PLCXD3: variants seen among roughly 807,000 people sequenced by gnomAD.
PLCXD3 encodes phosphatidylinositol specific phospholipase C X domain containing 3, also known as PI-PLC X domain-containing protein 3.
In PLCXD3, 19 loss-of-function variants were observed where a neutral mutation model predicts 25.5. The observed-to-expected ratio is 0.75, with a 90% CI of 0.52 to 1.09. The LOEUF (loss-of-function observed/expected upper bound fraction) is 1.09. Ranked by LOEUF, PLCXD3 falls within the 50% of genes least tolerant of loss-of-function variation. PLCXD3 has a pLI of 0.00. For missense variants in PLCXD3, 411 were observed against 388.1 expected (o/e 1.06, Z -0.50); for synonymous variants, 174 against 137.6 (o/e 1.26, Z -1.85).
intron 1 of PLCXD3, among the ~76,000 whole-genome samples, chr5:41,501,100 T>C (rs980013432): frequency 6.6e-6 from 1 of 152,018 alleles, no homozygotes; most frequent in Non-Finnish European, 1.5e-5. Flanking sequence ...TTGTACACTG[T>C]TGGTGGAAGT....
At chr5:41,336,408 G>T (rs1743981056) in intron 2 of PLCXD3, among the ~76,000 whole-genome samples, 1 of 152,116 alleles carries the variant, frequency 6.6e-6, no homozygotes, top group Admixed American at 6.6e-5. Flanking sequence ...CAGGTTAATT[G>T]TTACTCCATT....
rs71608608 is a variant in PLCXD3 at position 41,496,627 on chromosome 5, C to CAAAAAAAAA, written c.103+13788_103+13796dup. On this transcript the variant is annotated intron_variant, in intron 1 of 2. Transcript: ENST00000377801. ...AGGAAAGGTAAAGCTTTTCCCAGAC[C>CAAAAAAAAA]AAAAAAAAAAAAAAAAGCCTAGAAA... Among the ~76,000 whole-genome samples the CAAAAAAAAA allele has an allele frequency of 1.7e-5, 2 of 114,740 alleles. 1 individual carries two copies. Among genetic ancestry groups the CAAAAAAAAA allele is most frequent in the African/African-American group, 6.1e-5 (2 of 32,654 alleles). 75.3% of individuals were successfully genotyped at this position (114,740 alleles called of 152,430 possible).
intron 1 of PLCXD3, among the ~76,000 whole-genome samples, chr5:41,484,495 A>G (rs1440130101): frequency 6.6e-6 from 1 of 152,160 alleles, no homozygotes; most frequent in African/African-American, 2.4e-5. Context: ...ACTGTTGCCA[A>G]ATATTACTGT....
intron 2 of PLCXD3, among the ~76,000 whole-genome samples, chr5:41,352,013 T>C (rs947628991): frequency 2.6e-5 from 4 of 152,238 alleles, no homozygotes; most frequent in Non-Finnish European, 5.9e-5. Context: ...TTCAAAACTA[T>C]GTCATTTTTA....
intron 1 of PLCXD3, among the ~76,000 whole-genome samples, chr5:41,408,746 A>G (rs895265559): frequency 6.6e-6 from 1 of 152,160 alleles, no homozygotes; most frequent in East Asian, 1.9e-4. Context: ...GTGTCGCATA[A>G]GTAAGCCTAA....
In PLCXD3 at chr5:41,312,691, T is replaced by C. The variant is rs1743167677; in HGVS notation, c.*926A>G. 1 of 110,956 alleles carries C rather than the reference T, an allele frequency of 9.0e-6. No individual in the cohort carries two copies. Among genetic ancestry groups the C allele is most frequent in the African/African-American group, 3.8e-5 (1 of 26,180 alleles). 6.9% of individuals were successfully genotyped at this position (110,956 alleles called of 1,614,324 possible). A position where few individuals can be genotyped will look rare whatever the true frequency, so the allele number is the denominator to read the frequency against. ...CCCTCCCTTCCTTTCTTCCTTTCCT[T>C]CCTTCCTTCCTTCCTTCCTTCCTTC... On this transcript the variant is annotated 3_prime_UTR_variant, in exon 3 of 3. Coordinates refer to ENST00000377801, the MANE Select transcript of PLCXD3 (RefSeq NM_001005473.3).
At chr5:41,404,552 T>C (rs975702208) in intron 1 of PLCXD3, among the ~76,000 whole-genome samples, 1 of 152,198 alleles carries the variant, frequency 6.6e-6, no homozygotes, top group African/African-American at 2.4e-5. Context: ...ACCATCTGTC[T>C]AAGATTTTAT....
At chr5:41,387,000 T>C (rs760319606) in intron 1 of PLCXD3, among the ~76,000 whole-genome samples, 4 of 152,014 alleles carry the variant, frequency 2.6e-5, no homozygotes, top group Non-Finnish European at 5.9e-5. Context: ...TGAGCCTTTA[T>C]TTCTGGTTAT....
intron 1 of PLCXD3, among the ~76,000 whole-genome samples, chr5:41,412,790 A>G (rs1291519400): frequency 6.6e-6 from 1 of 152,164 alleles, no homozygotes; most frequent in African/African-American, 2.4e-5. Flanking sequence ...TATTGTCTGG[A>G]CTTGGTGACA....
chr5:41,431,384 G>T (rs557248950), intron 1 of PLCXD3, among the ~76,000 whole-genome samples: 1 of 152,270 alleles, frequency 6.6e-6, no homozygotes, highest in East Asian at 1.9e-4. Flanking sequence ...CAAAATTTTT[G>T]ATATTTTGAC....
At chr5:41,362,416 A>AAT (rs887602057) in intron 2 of PLCXD3, among the ~76,000 whole-genome samples, 3 of 152,184 alleles carry the variant, frequency 2.0e-5, no homozygotes, top group African/African-American at 7.2e-5. Context: ...TTATTTGGCT[A>AAT]AGGCTCATTT....
At chr5:41,370,146 A>C (rs1745050430) in intron 2 of PLCXD3, among the ~76,000 whole-genome samples, 2 of 152,216 alleles carry the variant, frequency 1.3e-5, no homozygotes, top group African/African-American at 2.4e-5. Flanking sequence ...AGTTCAAGAT[A>C]CAATTGTGAT....
At chr5:41,342,975 A>AGCAG (rs1744194161) in intron 2 of PLCXD3, among the ~76,000 whole-genome samples, 1 of 152,102 alleles carries the variant, frequency 6.6e-6, no homozygotes, top group Non-Finnish European at 1.5e-5. Flanking sequence ...AGTTCTCAAA[A>AGCAG]CTAACAAATC....
intron 1 of PLCXD3, among the ~76,000 whole-genome samples, chr5:41,444,894 AT>A (rs1747461098): frequency 6.6e-6 from 1 of 152,198 alleles, no homozygotes; most frequent in Admixed American, 6.5e-5. Context: ...CATGTTGACA[AT>A]AAATTATTAG....
chr5:41,443,885 C>G (rs1178827271), intron 1 of PLCXD3, among the ~76,000 whole-genome samples: 1 of 152,180 alleles, frequency 6.6e-6, no homozygotes, highest in East Asian at 1.9e-4. Context: ...CTGTTTTGTA[C>G]CTTTTAGTTT....
chr5:41,335,934 A>G (rs1179256748), intron 2 of PLCXD3, among the ~76,000 whole-genome samples: 1 of 152,106 alleles, frequency 6.6e-6, no homozygotes, highest in Non-Finnish European at 1.5e-5. Flanking sequence ...ACACATTCCA[A>G]TTCTAAAGGA....
At chr5:41,387,309 C>G (rs915561651) in intron 1 of PLCXD3, among the ~76,000 whole-genome samples, 66 of 152,218 alleles carry the variant, frequency 4.3e-4, no homozygotes, top group African/African-American at 1.5e-3. Flanking sequence ...ATTTCTGATT[C>G]TAGCATGATC....
intron 1 of PLCXD3, among the ~76,000 whole-genome samples, chr5:41,390,141 G>A (rs1046049226): frequency 3.3e-5 from 5 of 152,074 alleles, no homozygotes; most frequent in Non-Finnish European, 7.4e-5. Context: ...TTCCTTAGAT[G>A]ATATATTTTG....
At chr5:41,471,354 T>C (rs1165673514) in intron 1 of PLCXD3, among the ~76,000 whole-genome samples, 2 of 152,114 alleles carry the variant, frequency 1.3e-5, no homozygotes, top group Non-Finnish European at 2.9e-5. Context: ...GCACTAGTGA[T>C]AAAGAGAGTG....
Sources: allele counts gnomAD v4.1 joint callset (sites outside exome capture counted in the v4.1 genomes callset), GRCh38; gene constraint gnomAD v4.1.1; transcripts MANE v1.5; gene names NCBI Gene and HGNC (gene_info 2026-07-23, HGNC 2026-07-21).